The following CPED1 variants were observed in gnomAD, a reference collection of about 807,000 sequenced individuals.
CPED1 encodes the protein cadherin-like and PC-esterase domain-containing protein 1.
CPED1 carries 114 observed loss-of-function variants against 128.2 expected under a neutral mutation model. The observed-to-expected ratio is 0.89, with a 90% confidence interval of 0.76 to 1.04. CPED1 has a LOEUF of 1.04. CPED1 is among the 50% of genes least tolerant of loss of function. CPED1 has a pLI of 0.00. For synonymous variants in CPED1, 462 were observed against 426.7 expected, an observed-to-expected ratio of 1.08 and a Z score of -1.02; for missense variants, 1,211 against 1,207.1, an observed-to-expected ratio of 1.00 and a Z score of -0.05.
intron 7 of CPED1, among the ~76,000 whole-genome samples, chr7:121,117,004 A>T (rs1328376498): frequency 6.7e-6 from 1 of 148,272 alleles, no homozygotes; most frequent in African/African-American, 2.5e-5. Flanking sequence ...ATATATACAC[A>T]CACACATATA....
At chr7:121,012,355 G>A (rs1792180429) in intron 2 of CPED1, among the ~76,000 whole-genome samples, 1 of 152,240 alleles carries the variant, frequency 6.6e-6, no homozygotes, top group South Asian at 2.1e-4. Flanking sequence ...AGAGAGGCAA[G>A]TGAACACTCA....
chr7:121,202,512 CACA>C (rs1797421260), intron 16 of CPED1, among the ~76,000 whole-genome samples: 1 of 152,096 alleles, frequency 6.6e-6, no homozygotes, highest in Non-Finnish European at 1.5e-5. Flanking sequence ...AGGTCATGAT[CACA>C]ACAAGACAGT....
intron 2 of CPED1, among the ~76,000 whole-genome samples, chr7:121,006,236 A>T (rs116209125): frequency 6.6e-6 from 1 of 152,266 alleles, no homozygotes; most frequent in African/African-American, 2.4e-5. Flanking sequence ...ATTTTTCAAA[A>T]GAACAAGGTC....
intron 11 of CPED1, 61 bp from the exon 12 acceptor site, chr7:121,130,064 C>A: frequency 1.5e-6 from 2 of 1,296,318 alleles, no homozygotes; most frequent in South Asian, 1.2e-5. Flanking sequence ...TAAGGCTGTT[C>A]ATAGTAATAC....
chr7:121,250,369 G>A (rs553591067), intron 18 of CPED1, among the ~76,000 whole-genome samples: 4 of 151,572 alleles, frequency 2.6e-5, no homozygotes, highest in African/African-American at 7.3e-5. Context: ...AGAGAAAGCA[G>A]GAAAGATCTA....
At chr7:121,066,807 C>T (rs1294092267) in intron 5 of CPED1, among the ~76,000 whole-genome samples, 1 of 152,086 alleles carries the variant, frequency 6.6e-6, no homozygotes, top group Non-Finnish European at 1.5e-5. Context: ...CTGGATTCAA[C>T]CAACCATGGA....
chr7:121,086,385 G>T (rs1024552706), intron 5 of CPED1, among the ~76,000 whole-genome samples: 4 of 152,144 alleles, frequency 2.6e-5, no homozygotes, highest in Non-Finnish European at 4.4e-5. Context: ...CTAATGGAAA[G>T]ATTTTAATAA....
chr7:121,274,504 C>CAGAG (rs1242549516), intron 22 of CPED1, among the ~76,000 whole-genome samples: 9 of 152,188 alleles, frequency 5.9e-5, no homozygotes, highest in African/African-American at 2.2e-4. Flanking sequence ...TAATTGATTT[C>CAGAG]AGAGTAGTGT....
intron 2 of CPED1, among the ~76,000 whole-genome samples, chr7:121,004,323 T>G (rs1791948777): frequency 6.6e-6 from 1 of 152,154 alleles, no homozygotes; most frequent in Non-Finnish European, 1.5e-5. Context: ...ATCCTCCTCC[T>G]CCAGGGGGTA....
At chr7:121,120,648 C>T (rs1795361150) in intron 7 of CPED1, among the ~76,000 whole-genome samples, 1 of 152,066 alleles carries the variant, frequency 6.6e-6, no homozygotes, top group Non-Finnish European at 1.5e-5. Flanking sequence ...ATCTTTCATC[C>T]TCCATTCTAA....
chr7:121,142,448 T>C (rs1158509028), intron 16 of CPED1, among the ~76,000 whole-genome samples: 1 of 152,024 alleles, frequency 6.6e-6, no homozygotes, highest in African/African-American at 2.4e-5. Flanking sequence ...TCCTTTTAAA[T>C]TGGGCTATTT....
At chr7:121,224,763 C>A (rs1160820084) in intron 16 of CPED1, among the ~76,000 whole-genome samples, 2 of 141,522 alleles carry the variant, frequency 1.4e-5, no homozygotes, top group East Asian at 4.1e-4. Flanking sequence ...TCTATTTTAT[C>A]AGAGACTAGG....
intron 16 of CPED1, among the ~76,000 whole-genome samples, chr7:121,154,989 A>C (rs2116414051): frequency 6.6e-6 from 1 of 152,330 alleles, no homozygotes; most frequent in Non-Finnish European, 1.5e-5. Context: ...ACTCTATCAA[A>C]AAACTTAGAG....
intron 5 of CPED1, among the ~76,000 whole-genome samples, chr7:121,081,381 C>T (rs958127019): frequency 6.6e-6 from 1 of 152,084 alleles, no homozygotes; most frequent in Admixed American, 6.6e-5. Context: ...ATGTTTTACT[C>T]TTTGATGGGT....
At chr7:121,252,907 T>G (rs1798714061) in intron 18 of CPED1, among the ~76,000 whole-genome samples, 1 of 152,102 alleles carries the variant, frequency 6.6e-6, no homozygotes, top group Non-Finnish European at 1.5e-5. Flanking sequence ...GGTGTGGCAA[T>G]TCCTCAGGGA....
intron 5 of CPED1, among the ~76,000 whole-genome samples, chr7:121,095,774 T>C (rs1213112876): frequency 6.6e-6 from 1 of 152,132 alleles, no homozygotes; most frequent in Non-Finnish European, 1.5e-5. Flanking sequence ...TTTTGACAAC[T>C]TCCTCAAAAC....
chr7:121,040,061 T>C (rs570070283), intron 3 of CPED1, among the ~76,000 whole-genome samples: 1 of 152,182 alleles, frequency 6.6e-6, no homozygotes, highest in East Asian at 1.9e-4. Context: ...AGGCCATTCA[T>C]GGAGAGAATG....
chr7:121,147,047 C>G (rs1180450987), intron 16 of CPED1, among the ~76,000 whole-genome samples: 1 of 152,106 alleles, frequency 6.6e-6, no homozygotes, highest in African/African-American at 2.4e-5. Flanking sequence ...CCAAAACTGT[C>G]TTCAGACATT....
At chr7:121,219,662 C>T (rs1797834242) in intron 16 of CPED1, among the ~76,000 whole-genome samples, 1 of 152,002 alleles carries the variant, frequency 6.6e-6, no homozygotes, top group African/African-American at 2.4e-5. Context: ...AAACACACAA[C>T]TGTGTCACAT....
Sources: allele counts gnomAD v4.1 joint callset (sites outside exome capture counted in the v4.1 genomes callset), GRCh38; gene constraint gnomAD v4.1.1; transcripts MANE v1.5; gene names NCBI Gene and HGNC (gene_info 2026-07-23, HGNC 2026-07-21).